ITGB6: variants seen among roughly 807,000 people sequenced by gnomAD.
ITGB6 encodes integrin subunit beta 6.
ITGB6 carries 80 observed loss-of-function variants against 84.5 expected under a neutral mutation model. The ratio of observed to expected loss-of-function variants is 0.95; its 90% CI spans 0.79 to 1.14. The LOEUF is 1.14. ITGB6 is among the 50% of genes most tolerant of loss of function. The pLI, the probability that ITGB6 is intolerant of heterozygous loss-of-function variation, is 0.00. For missense variants in ITGB6, 1,006 were observed against 968.0 expected (o/e 1.04, Z -0.52); for synonymous variants, 383 against 354.9 (o/e 1.08, Z -0.89).
At chr2:160,178,720 C>T (rs1161455934) in intron 4 of ITGB6, among the ~76,000 whole-genome samples, 8 of 124,332 alleles carry the variant, frequency 6.4e-5, no homozygotes, top group Non-Finnish European at 1.1e-4. Flanking sequence ...GAGACAGGGT[C>T]TCCCTCTGTA....
chr2:160,164,777 T>C lies in ITGB6; in HGVS notation c.1017+4435A>G, dbSNP rs114452793. On this transcript the variant is annotated intron_variant, in intron 7 of 14. Coordinates refer to ENST00000283249, the MANE Select transcript of ITGB6 (RefSeq NM_000888.5). ...TCATTAAGGTCCTGCTTTAAACCTGTACCTTTTTCTTTCTTGTGTTTACTT... is the reference window on the plus strand; with the variant it reads ...TCATTAAGGTCCTGCTTTAAACCTGCACCTTTTTCTTTCTTGTGTTTACTT... Among the ~76,000 whole-genome samples, 212 of 152,360 alleles carry C rather than the reference T, an allele frequency of 1.4e-3. 1 individual carries two copies. The highest frequency in any genetic ancestry group is 4.8e-3 in the African/African-American group (198 of 41,588).
chr2:160,123,074 C>T (rs1683103576), intron 12 of ITGB6, among the ~76,000 whole-genome samples: 1 of 152,158 alleles, frequency 6.6e-6, no homozygotes, highest in Non-Finnish European at 1.5e-5. Flanking sequence ...TTAAAGTCCA[C>T]AAATTATTGT....
chr2:160,118,305 G>A (rs1682873791), intron 12 of ITGB6, among the ~76,000 whole-genome samples: 1 of 152,142 alleles, frequency 6.6e-6, no homozygotes, highest in Admixed American at 6.5e-5. Flanking sequence ...ACATCAAAAA[G>A]CTTATCCACC....
intron 12 of ITGB6, among the ~76,000 whole-genome samples, chr2:160,122,318 G>A (rs1314846925): frequency 6.6e-6 from 1 of 152,078 alleles, no homozygotes; most frequent in African/African-American, 2.4e-5. Flanking sequence ...AAAAAAACCT[G>A]TGTACTTAAA....
intron 7 of ITGB6, among the ~76,000 whole-genome samples, chr2:160,151,311 A>G (rs1157894184): frequency 6.6e-6 from 1 of 152,256 alleles, no homozygotes; most frequent in Non-Finnish European, 1.5e-5. Context: ...CTGCACAGCT[A>G]CATGGAAACT....
At chr2:160,134,856 A>G (rs1444292233) in intron 10 of ITGB6, among the ~76,000 whole-genome samples, 10 of 152,310 alleles carry the variant, frequency 6.6e-5, no homozygotes, top group East Asian at 3.9e-4. Flanking sequence ...ATTCAACAGC[A>G]CTTCCTGCTA....
At chr2:160,126,986 C>G (rs766528004) in intron 10 of ITGB6, among the ~76,000 whole-genome samples, 10 of 152,098 alleles carry the variant, frequency 6.6e-5, no homozygotes, top group Non-Finnish European at 8.8e-5. Context: ...TATTATATAC[C>G]CTTCTCCCTT....
chr2:160,183,705 T>A (rs1013866597), intron 4 of ITGB6, among the ~76,000 whole-genome samples: 3 of 152,110 alleles, frequency 2.0e-5, no homozygotes, highest in Non-Finnish European at 2.9e-5. Context: ...CAGCACCAAG[T>A]CGCACTTATT....
chr2:160,182,133 G>C (rs1345486581), intron 4 of ITGB6, among the ~76,000 whole-genome samples: 1 of 152,196 alleles, frequency 6.6e-6, no homozygotes, highest in East Asian at 1.9e-4. Flanking sequence ...AAACTGGACA[G>C]AGAATGAGTC....
chr2:160,141,092 A>C (rs985943433), intron 8 of ITGB6, among the ~76,000 whole-genome samples: 40 of 152,130 alleles, frequency 2.6e-4, no homozygotes, highest in Non-Finnish European at 4.7e-4. Context: ...GTAATTTTAA[A>C]ACATCAAAAA....
intron 5 of ITGB6, 145 bp from the exon 6 acceptor site, chr2:160,172,875 T>G: frequency 1.8e-6 from 1 of 551,940 alleles, no homozygotes; most frequent in Admixed American, 2.9e-5. Context: ...GAATTGATAA[T>G]ATTAATGTTT....
At chr2:160,172,802 C>A in intron 5 of ITGB6, 72 bp from the exon 6 acceptor site, 1 of 1,202,572 alleles carries the variant, frequency 8.3e-7, no homozygotes, top group South Asian at 1.3e-5. Flanking sequence ...ATCAATTATG[C>A]TTGGACACAT....
chr2:160,116,163 G>A (rs539620941), intron 12 of ITGB6, among the ~76,000 whole-genome samples: 50 of 150,684 alleles, frequency 3.3e-4, no homozygotes, highest in African/African-American at 6.1e-4. Flanking sequence ...TACAGAGAAC[G>A]CCACAAAGAT....
rs189004566 is a variant in ITGB6, at chr2:160,126,713, A to G, written c.1661-112T>C. 171 of 940,094 alleles carry G rather than the reference A, an allele frequency of 1.8e-4. 2 individuals are homozygous for G. The highest frequency in any genetic ancestry group is 1.0e-3 in the Admixed American group (42 of 40,302). 58.2% of individuals were successfully genotyped at this position (940,094 alleles called of 1,614,324 possible). On this transcript the variant is annotated intron_variant, in intron 10 of 14. Transcript: ENST00000283249. ...TAAGCACCGTCATCAAAAGACAAGA[A>G]AAAAATGAGAAAAAAAGTATGTGTG...
rs1319454224 is a variant in ITGB6 at position 160,137,453 on chromosome 2, G to T, written c.1641C>A (p.His547Gln). Residue 547 changes from histidine (H) to glutamine (Q), a missense_variant, in exon 10 of 15, where the codon CAC (histidine) becomes CAA (glutamine). Coordinates refer to ENST00000283249, the MANE Select transcript of ITGB6 (RefSeq NM_000888.5). ...GCCTACCTCCGCAGAGCAGCCCTTT[G>T]TGTCTCACGCAGGAGAAATTGTCAC... The part of the protein sequence containing the change: ...CQCDNFSCVR[H>Q]KGLLCGGNGD... 4 of 1,611,280 alleles carry T rather than the reference G, an allele frequency of 2.5e-6. No homozygotes were observed. The African/African-American group carries it at 5.3e-5, about 22-fold the overall frequency.
At chr2:160,140,708 C>T (rs1400599137) in intron 8 of ITGB6, among the ~76,000 whole-genome samples, 15 of 152,126 alleles carry the variant, frequency 9.9e-5, no homozygotes. Context: ...TTGATGTGAT[C>T]TAAGAAAACT....
At chr2:160,141,912 G>T in intron 8 of ITGB6, 70 bp downstream of exon 8, 1 of 967,900 alleles carries the variant, frequency 1.0e-6, no homozygotes. Context: ...ACATTTAACT[G>T]CCTAAATCAC....
chr2:160,108,154 A>C (rs570558133), intron 13 of ITGB6, among the ~76,000 whole-genome samples: 3 of 151,984 alleles, frequency 2.0e-5, no homozygotes, highest in African/African-American at 4.8e-5. Context: ...AGGATTAAGA[A>C]AAAGACTAGT....
chr2:160,125,111 G>T (rs147117333), intron 11 of ITGB6, among the ~76,000 whole-genome samples: 2 of 144,748 alleles, frequency 1.4e-5, no homozygotes, highest in Non-Finnish European at 3.0e-5. Flanking sequence ...GCATTGCAAT[G>T]ACTTTAAAAG....
Sources: gnomAD v4.1 joint callset for allele counts (sites outside exome capture counted in the v4.1 genomes callset) on GRCh38, gnomAD v4.1.1 for gene constraint, MANE v1.5 for transcripts, NCBI Gene and HGNC (gene_info 2026-07-23, HGNC 2026-07-21) for gene names.